PIEZO2: variants seen among roughly 807,000 people sequenced by gnomAD.
The protein encoded by PIEZO2 is piezo type mechanosensitive ion channel component 2.
PIEZO2 carries 172 observed loss-of-function variants against 337.3 expected under a neutral mutation model. That is an observed-to-expected ratio of 0.51 (90% confidence interval 0.45 to 0.58). PIEZO2 has a LOEUF of 0.58. PIEZO2 is among the 20% of genes least tolerant of loss of function. The pLI, the probability that PIEZO2 is intolerant of heterozygous loss-of-function variation, is 0.00. For missense variants in PIEZO2, 3,028 were observed against 3,391.3 expected, an observed-to-expected ratio of 0.89 and a Z score of 2.66; for synonymous variants, 1,251 against 1,228.5, an observed-to-expected ratio of 1.02 and a Z score of -0.38.
chr18:10,801,500 A>G, intron 9 of PIEZO2, 72 bp from the exon 10 acceptor site: 1 of 1,350,622 alleles, frequency 7.4e-7, no homozygotes, highest in South Asian at 1.3e-5. Context: ...GTATCTATAA[A>G]GTTTTACTGT....
At chr18:10,897,901 T>G (rs1337153481) in intron 4 of PIEZO2, among the ~76,000 whole-genome samples, 3 of 152,364 alleles carry the variant, frequency 2.0e-5, no homozygotes, top group Non-Finnish European at 4.4e-5. Flanking sequence ...TCCATGTTAA[T>G]AAAATACACG....
intron 14 of PIEZO2, among the ~76,000 whole-genome samples, 200 bp from the exon 15 acceptor site, chr18:10,789,565 GT>G (rs1295857666): frequency 6.6e-6 from 1 of 152,118 alleles, no homozygotes; most frequent in Non-Finnish European, 1.5e-5. Flanking sequence ...TCAAAATATA[GT>G]TTACAAGAAA....
chr18:10,755,864 T>C (rs1024043140), intron 27 of PIEZO2, among the ~76,000 whole-genome samples: 2 of 150,316 alleles, frequency 1.3e-5, no homozygotes, highest in African/African-American at 4.9e-5. Context: ...GGAAGACGAA[T>C]GGAGGATGAG....
Position 10,944,264 on chromosome 18 carries a change from A to T in PIEZO2, c.287-33036T>A, listed in dbSNP as rs2032885938. The stretch of plus-strand genomic sequence containing the variant: ...GCTCAAAAGAAATTATCCAAAATAC[A>T]ACATGAAGGACAGAGTTCTACCCTA... On this transcript the variant is annotated intron_variant, in intron 3 of 55. Coordinates refer to ENST00000674853, the MANE Select transcript of PIEZO2 (RefSeq NM_001378183.1). Among the ~76,000 whole-genome samples, 9 of 152,236 alleles carry T rather than the reference A, an allele frequency of 5.9e-5. 1 individual carries two copies. The South Asian group carries it at 1.9e-3, about 32-fold the overall frequency.
In PIEZO2 at chr18:11,048,993, T is replaced by C. The variant is rs1192455884; in HGVS notation, c.160+17134A>G. Reference sequence around the variant, plus strand: ...AAAGCTCAGATGCTCTAATAAATTATTCCATCAGAAATTAGTCTCGTCCAG... The same window carrying C: ...AAAGCTCAGATGCTCTAATAAATTACTCCATCAGAAATTAGTCTCGTCCAG... On this transcript the variant is annotated intron_variant, in intron 2 of 55. Transcript: ENST00000674853. This position sits in a 1 kb window ranked among gnomAD's most constrained non-coding sequence, Gnocchi z 4.5. Among the ~76,000 whole-genome samples, 1 of 152,220 alleles carries C rather than the reference T, an allele frequency of 6.6e-6. No homozygotes were observed. Among genetic ancestry groups the C allele is most frequent in the African/African-American group, 2.4e-5 (1 of 41,456 alleles).
At chr18:10,835,738 T>A (rs998905912) in intron 7 of PIEZO2, among the ~76,000 whole-genome samples, 1 of 152,234 alleles carries the variant, frequency 6.6e-6, no homozygotes, top group African/African-American at 2.4e-5. Flanking sequence ...GAGATGGGAT[T>A]TCGCCATGTT....
At chr18:10,741,180 A>T (rs2060799449) in intron 32 of PIEZO2, 78 bp from the exon 33 acceptor site, 5 of 1,332,380 alleles carry the variant, frequency 3.8e-6, no homozygotes, top group Non-Finnish European at 5.0e-6. Flanking sequence ...TAACAACTCA[A>T]TTGTCAAATC....
intron 7 of PIEZO2, among the ~76,000 whole-genome samples, chr18:10,823,722 T>C (rs2040587759): frequency 6.6e-6 from 1 of 152,102 alleles, no homozygotes; most frequent in African/African-American, 2.4e-5. Flanking sequence ...AATACAAAGC[T>C]AGTCTTTGAA....
chr18:10,802,609 T>C (rs945427525), intron 9 of PIEZO2, among the ~76,000 whole-genome samples: 1 of 152,176 alleles, frequency 6.6e-6, no homozygotes, highest in Non-Finnish European at 1.5e-5. Context: ...TCTGTTGTGA[T>C]GTGGTGTTCC....
chr18:10,992,951 G>A (rs1439176681), intron 2 of PIEZO2, among the ~76,000 whole-genome samples: 2 of 152,160 alleles, frequency 1.3e-5, no homozygotes, highest in African/African-American at 4.8e-5. Context: ...CACATCCCTT[G>A]TAAGTTGTAT....
intron 20 of PIEZO2, among the ~76,000 whole-genome samples, chr18:10,770,923 A>T (rs1181821397): frequency 1.3e-5 from 2 of 151,850 alleles, no homozygotes; most frequent in Non-Finnish European, 2.9e-5. Context: ...TAGAAATAGG[A>T]TCTCGTCATG....
intron 27 of PIEZO2, among the ~76,000 whole-genome samples, chr18:10,755,182 G>T (rs1228606537): frequency 2.0e-5 from 3 of 152,142 alleles, no homozygotes. Context: ...GGCAGAAGAT[G>T]ATCCACACCA....
chr18:10,762,679 C>T, intron 22 of PIEZO2, 54 bp from the exon 23 acceptor site: 1 of 1,517,986 alleles, frequency 6.6e-7, no homozygotes, highest in Non-Finnish European at 8.8e-7. Flanking sequence ...ATTAGGAGAG[C>T]TCAGGTTATT....
At position 10,807,271 on chromosome 18, in the gene PIEZO2, C is replaced by A; in HGVS notation, c.921G>T (p.Leu307Phe). 1 of 1,533,542 alleles carries A rather than the reference C, an allele frequency of 6.5e-7. No individual in the cohort carries two copies. The highest frequency in any genetic ancestry group is 8.7e-7 in the Non-Finnish European group (1 of 1,144,370). 95.0% of individuals were successfully genotyped at this position (1,533,542 alleles called of 1,614,324 possible). The stretch of plus-strand genomic sequence containing the variant: ...TTTGAATTACTGACTTGATACCAAA[C>A]AACCTGTTAAAAAACAAAGAAAAAT... ...AVPPNDYYARLFGIKSVIQTD... is the reference protein window; with the variant it reads ...AVPPNDYYARFFGIKSVIQTD... Residue 307 changes from leucine (L) to phenylalanine (F), a missense_variant, in exon 8 of 56, where the codon TTG becomes TTT. By Grantham distance (22) the Leu-to-Phe change is conservative. This residue lies in a region of PIEZO2 where 542 missense variants were observed against 605.6 expected (regional missense o/e 0.89). Transcript: ENST00000674853.
At position 10,795,399 on chromosome 18, in the gene PIEZO2, ATTT is replaced by A. The variant is rs199930497; in HGVS notation, c.1528-400_1528-398del. Among the ~76,000 whole-genome samples the A allele has an allele frequency of 1.9e-5, 2 of 104,500 alleles. No individual in the cohort carries two copies. The highest frequency in any genetic ancestry group is 6.2e-4 in the South Asian group (2 of 3,208). The allele number at this position is 104,500 out of a possible 152,430, so 68.6% of individuals were successfully genotyped here. Reference sequence around the variant, plus strand: ...ATTTTATTTTATTTTATTTTATTTTATTTTATTTTATTCAGCTCTATTGCTTTA... The same window carrying A: ...ATTTTATTTTATTTTATTTTATTTTATATTTTATTCAGCTCTATTGCTTTA... On this transcript the variant is annotated intron_variant, in intron 12 of 55. Transcript: ENST00000674853. This position sits in a 1 kb window ranked among gnomAD's most constrained non-coding sequence, Gnocchi z 4.4.
rs1179780503 is a variant in PIEZO2 at position 10,847,721 on chromosome 18, T to G, written c.917+7632A>C. Among the ~76,000 whole-genome samples the G allele has an allele frequency of 6.6e-6, 1 of 152,214 alleles. No homozygotes were observed. The highest frequency in any genetic ancestry group is 1.5e-5 in the Non-Finnish European group (1 of 68,032). On this transcript the variant is annotated intron_variant, in intron 7 of 55. Transcript: ENST00000674853. The surrounding 1 kb of genome is among the most constrained non-coding windows in gnomAD (Gnocchi z 5.7). The stretch of plus-strand genomic sequence containing the variant: ...GGGGCACCTAACTCTACCTTTCAGA[T>G]AAGCATAAATGAACTCTGAATGAGA...
Position 11,102,470 on chromosome 18 carries a change from C to T in PIEZO2, c.65-36248G>A, listed in dbSNP as rs1368252123. Among the ~76,000 whole-genome samples, 3 of 152,192 alleles carry T rather than the reference C, an allele frequency of 2.0e-5. No individual in the cohort carries two copies. Among genetic ancestry groups the T allele is most frequent in the Non-Finnish European group, 4.4e-5 (3 of 68,024 alleles). ...GTCCCCCACCAGGCTGGTGCAGTGG[C>T]AGGTGGCCAGCCTTTACCCTTATTC... On this transcript the variant is annotated intron_variant, in intron 1 of 55. Transcript: ENST00000674853. This position sits in a 1 kb window ranked among gnomAD's most constrained non-coding sequence, Gnocchi z 5.7.
At chr18:10,891,992 C>T (rs1030148969) in intron 4 of PIEZO2, among the ~76,000 whole-genome samples, 5 of 152,100 alleles carry the variant, frequency 3.3e-5, no homozygotes, top group African/African-American at 4.8e-5. Context: ...GTCCGGTAAA[C>T]ATTTAGGGTA....
At position 11,047,533 on chromosome 18, in the gene PIEZO2, G is replaced by C. The variant is rs2037359831; in HGVS notation, c.160+18594C>G. On this transcript the variant is annotated intron_variant, in intron 2 of 55. Coordinates refer to ENST00000674853, the MANE Select transcript of PIEZO2 (RefSeq NM_001378183.1). This position sits in a 1 kb window ranked among gnomAD's most constrained non-coding sequence, Gnocchi z 7.2. ...ATGAGAGCCACATCCACAACAAAGA[G>C]GAGGCAAAGCTTGGATAAGGCAGAT... 6.6e-6 allele frequency among the ~76,000 whole-genome samples: 1 copy of C among 152,158 alleles called. No homozygotes were observed. Among genetic ancestry groups the C allele is most frequent in the South Asian group, 2.1e-4 (1 of 4,826 alleles).
Sources: gnomAD v4.1 joint callset for allele counts (sites outside exome capture counted in the v4.1 genomes callset) on GRCh38, gnomAD v4.1.1 for gene constraint, gnomAD v4.1.1 regional missense constraint, Gnocchi (gnomAD v3.1) non-coding constraint, MANE v1.5 for transcripts, NCBI Gene and HGNC (gene_info 2026-07-23, HGNC 2026-07-21) for gene names.